EBF1: variants seen among roughly 807,000 people sequenced by gnomAD.
The protein encoded by EBF1 is transcription factor COE1.
In EBF1, 10 loss-of-function variants were observed where a neutral mutation model predicts 68.4. The observed-to-expected ratio is 0.15, with a 90% CI of 0.09 to 0.25. The LOEUF (loss-of-function observed/expected upper bound fraction) is 0.25. EBF1 is among the 10% of genes least tolerant of loss of function. The pLI, the probability that EBF1 is intolerant of heterozygous loss-of-function variation, is 1.00. For missense variants in EBF1, 509 were observed against 794.4 expected, an observed-to-expected ratio of 0.64 and a Z score of 4.32; for synonymous variants, 298 against 299.8, an observed-to-expected ratio of 0.99 and a Z score of 0.06.
intron 7 of EBF1, among the ~76,000 whole-genome samples, chr5:158,827,090 G>A (rs1010105353): frequency 1.3e-5 from 2 of 152,120 alleles, no homozygotes; most frequent in Admixed American, 6.5e-5. Flanking sequence ...AAAGTGGCCA[G>A]CATGGTTCCT....
intron 14 of EBF1, among the ~76,000 whole-genome samples, chr5:158,710,062 TTTTTATTC>T (rs1213676744): frequency 6.6e-6 from 1 of 152,208 alleles, no homozygotes; most frequent in Non-Finnish European, 1.5e-5. Flanking sequence ...ATGTCTTATT[TTTTTATTC>T]CATTGGAATT....
Position 158,823,163 on chromosome 5 carries a change from A to G in EBF1, c.778+13T>C, listed in dbSNP as rs1304376804. The G allele has an allele frequency of 1.1e-5, 17 of 1,613,800 alleles. No homozygotes were observed. Among genetic ancestry groups the G allele is most frequent in the Non-Finnish European group, 1.2e-5 (14 of 1,179,846 alleles). Reference sequence around the variant, plus strand: ...AAAGTAGCAATGCCAACCAATGAAAATGATTCGCCTACCATGTTCCAGATA... The same window carrying G: ...AAAGTAGCAATGCCAACCAATGAAAGTGATTCGCCTACCATGTTCCAGATA... On this transcript the variant is annotated intron_variant, in intron 8 of 15. Transcript: ENST00000313708.
chr5:158,931,457 G>A (rs1026286878), intron 6 of EBF1, among the ~76,000 whole-genome samples: 15 of 152,174 alleles, frequency 9.9e-5, no homozygotes, highest in African/African-American at 2.7e-4. Context: ...AGATGACCTC[G>A]TGGAGTTTTT....
intron 10 of EBF1, among the ~76,000 whole-genome samples, chr5:158,762,470 T>C (rs1771684176): frequency 6.6e-6 from 1 of 152,236 alleles, no homozygotes. Context: ...CTTTGAATCC[T>C]AACACAAGCC....
At chr5:158,860,571 C>T (rs1794799097) in intron 6 of EBF1, among the ~76,000 whole-genome samples, 1 of 152,202 alleles carries the variant, frequency 6.6e-6, no homozygotes, top group Non-Finnish European at 1.5e-5. Context: ...GCCATCTTGG[C>T]ATGGTTCTCT....
At chr5:158,828,884 G>T (rs995397823) in intron 7 of EBF1, among the ~76,000 whole-genome samples, 2 of 152,174 alleles carry the variant, frequency 1.3e-5, no homozygotes, top group African/African-American at 4.8e-5. Context: ...GCCACAGACA[G>T]TCATAGAGGG....
chr5:158,827,796 C>A (rs11949842), intron 7 of EBF1, among the ~76,000 whole-genome samples: 89,189 of 152,024 alleles, frequency 0.59, 26,323 homozygotes, highest in South Asian at 0.7. Context: ...AAAAGCAACC[C>A]AACATGTTGA....
At chr5:158,957,953 G>A (rs1817470587) in intron 6 of EBF1, among the ~76,000 whole-genome samples, 1 of 152,058 alleles carries the variant, frequency 6.6e-6, no homozygotes, top group African/African-American at 2.4e-5. Context: ...GAGGCTTAGA[G>A]GGAAAAAGGA....
chr5:158,714,597 G>A (rs976313259), intron 11 of EBF1, among the ~76,000 whole-genome samples: 3 of 152,014 alleles, frequency 2.0e-5, no homozygotes, highest in African/African-American at 7.3e-5. Context: ...GGTCATTTTC[G>A]AGGGATTTCC....
At chr5:159,084,893 T>C (rs1238239755) in intron 4 of EBF1, among the ~76,000 whole-genome samples, 154 bp from the exon 5 acceptor site, 2 of 152,180 alleles carry the variant, frequency 1.3e-5, no homozygotes, top group Non-Finnish European at 2.9e-5. Flanking sequence ...TCTGAAGGTA[T>C]GATATTCGGG....
chr5:158,817,243 A>AT (rs11349710), intron 8 of EBF1, among the ~76,000 whole-genome samples: 271 of 148,688 alleles, frequency 1.8e-3, no homozygotes, highest in East Asian at 2.6e-3. Context: ...ATACCTGGCA[A>AT]TTTTTTTTTT....
intron 6 of EBF1, among the ~76,000 whole-genome samples, chr5:158,959,291 G>A (rs1055830250): frequency 7.2e-6 from 1 of 138,512 alleles, no homozygotes; most frequent in Admixed American, 7.5e-5. Flanking sequence ...CTCTACTTAA[G>A]AATTTTTTTT....
chr5:158,908,216 T>C (rs1321808299), intron 6 of EBF1, among the ~76,000 whole-genome samples: 2 of 152,028 alleles, frequency 1.3e-5, no homozygotes, highest in Non-Finnish European at 2.9e-5. Context: ...CCCAAACTGT[T>C]GGGGAGGGTG....
chr5:158,998,414 A>G (rs1388729613), intron 6 of EBF1, among the ~76,000 whole-genome samples: 1 of 152,118 alleles, frequency 6.6e-6, no homozygotes, highest in Non-Finnish European at 1.5e-5. Context: ...ATTATAGCAT[A>G]TATTTATTTC....
chr5:158,864,501 GT>G (rs1355585480), intron 6 of EBF1, among the ~76,000 whole-genome samples: 2 of 152,098 alleles, frequency 1.3e-5, no homozygotes, highest in Non-Finnish European at 2.9e-5. Flanking sequence ...CTGACAAATG[GT>G]TGCCCCAGTA....
intron 10 of EBF1, among the ~76,000 whole-genome samples, chr5:158,766,549 G>A (rs1444729390): frequency 6.6e-6 from 1 of 152,122 alleles, no homozygotes; most frequent in East Asian, 1.9e-4. Flanking sequence ...TATGTATATG[G>A]TTTACTTGCT....
At chr5:159,038,173 G>A (rs758736699) in intron 6 of EBF1, among the ~76,000 whole-genome samples, 7 of 151,856 alleles carry the variant, frequency 4.6e-5, no homozygotes, top group South Asian at 2.1e-4. Flanking sequence ...CTAAACTCAC[G>A]GCCCACCATC....
intron 7 of EBF1, among the ~76,000 whole-genome samples, chr5:158,833,865 G>A (rs557507047): frequency 6.6e-6 from 1 of 152,162 alleles, no homozygotes; most frequent in African/African-American, 2.4e-5. Context: ...GTTTCATTAG[G>A]GCAAAGACCT....
intron 8 of EBF1, among the ~76,000 whole-genome samples, chr5:158,821,415 G>A (rs781169342): frequency 9.2e-5 from 14 of 152,122 alleles, no homozygotes; most frequent in Non-Finnish European, 1.6e-4. Flanking sequence ...AATTTGCCTG[G>A]TGTCAGGAGC....
Sources: gnomAD v4.1 joint callset for allele counts (sites outside exome capture counted in the v4.1 genomes callset) on GRCh38, gnomAD v4.1.1 for gene constraint, MANE v1.5 for transcripts, NCBI Gene and HGNC (gene_info 2026-07-23, HGNC 2026-07-21) for gene names.